RASGRF2: variants seen among roughly 807,000 people sequenced by gnomAD.
RASGRF2 encodes ras-specific guanine nucleotide-releasing factor 2.
Under a neutral mutation model 151.0 loss-of-function variants are expected in RASGRF2, and 76 were observed. That is an observed-to-expected ratio of 0.50 (90% CI 0.42 to 0.61). The LOEUF is 0.61. Among genes scored for constraint, RASGRF2 ranks in the 20% least tolerant of loss-of-function variants. The pLI is 0.00. For synonymous variants in RASGRF2, 504 were observed against 566.5 expected, an observed-to-expected ratio of 0.89 and a Z score of 1.57; for missense variants, 1,148 against 1,564.6, an observed-to-expected ratio of 0.73 and a Z score of 4.49.
intron 1 of RASGRF2, among the ~76,000 whole-genome samples, chr5:80,963,641 C>T (rs1366267655): frequency 6.6e-6 from 1 of 152,188 alleles, no homozygotes; most frequent in East Asian, 1.9e-4. Context: ...GTAATAAATA[C>T]TGCATCTGAA....
intron 25 of RASGRF2, among the ~76,000 whole-genome samples, chr5:81,218,849 T>G (rs113814904): frequency 0.017 from 2,617 of 152,290 alleles, 73 homozygotes; most frequent in African/African-American, 0.059. Context: ...GTGTTTCCAT[T>G]TGTTTGTGTT....
chr5:81,213,532 A>AG (rs1180155563), intron 23 of RASGRF2, among the ~76,000 whole-genome samples: 1 of 152,176 alleles, frequency 6.6e-6, no homozygotes, highest in East Asian at 1.9e-4. Context: ...CGGAAGATCT[A>AG]GGTATGTTCT....
chr5:81,003,190 G>A (rs888659588), intron 1 of RASGRF2, among the ~76,000 whole-genome samples: 1 of 150,114 alleles, frequency 6.7e-6, no homozygotes, highest in Non-Finnish European at 1.5e-5. Flanking sequence ...CGAGTAGCGG[G>A]ATTATGGATG....
chr5:81,060,344 A>G (rs1002342070), intron 2 of RASGRF2, among the ~76,000 whole-genome samples: 2 of 152,146 alleles, frequency 1.3e-5, no homozygotes, highest in African/African-American at 4.8e-5. Flanking sequence ...CTGGGCCTGG[A>G]TGCTGTTCCA....
chr5:81,187,851 A>T (rs1755065719), intron 18 of RASGRF2, among the ~76,000 whole-genome samples: 1 of 152,158 alleles, frequency 6.6e-6, no homozygotes. Context: ...CGGCTTCTAA[A>T]TTTTTTTGTT....
rs747322789 is a variant in RASGRF2 at position 81,123,740 on chromosome 5, C to T, written c.2569C>T (p.Arg857Trp). 5.6e-6 allele frequency: 9 copies of T among 1,613,732 alleles called. No homozygotes were observed. Among genetic ancestry groups the T allele is most frequent in the African/African-American group, 2.7e-5 (2 of 74,904 alleles). The change falls in exon 16 of 27, where the codon CGG becomes TGG. Residue 857 changes from arginine (R) to tryptophan (W), a missense_variant. By Grantham distance (101) the Arg-to-Trp change is moderately radical (BLOSUM62 -3). Coordinates refer to ENST00000265080, the MANE Select transcript of RASGRF2 (RefSeq NM_006909.3). ...ACCTTGCAGATCCCCCTCAACTCCT[C>T]GGCACCTCCGCTATCGACAGCCTGG... ...LSPCRSPSTP[R>W]HLRYRQPGGQ...
At chr5:81,077,075 A>G (rs1414201684) in intron 5 of RASGRF2, among the ~76,000 whole-genome samples, 1 of 152,210 alleles carries the variant, frequency 6.6e-6, no homozygotes, top group Non-Finnish European at 1.5e-5. Flanking sequence ...GAGGAAAGAA[A>G]GTAGTGCTGG....
At chr5:81,081,739 C>T (rs1306078894) in intron 7 of RASGRF2, among the ~76,000 whole-genome samples, 1 of 152,190 alleles carries the variant, frequency 6.6e-6, no homozygotes, top group Non-Finnish European at 1.5e-5. Flanking sequence ...CTGTGGTGCA[C>T]AATTGTTTGC....
At chr5:81,204,790 G>T (rs1181484002) in intron 19 of RASGRF2, among the ~76,000 whole-genome samples, 3 of 152,184 alleles carry the variant, frequency 2.0e-5, no homozygotes, top group African/African-American at 7.2e-5. Context: ...GCATCAACAG[G>T]AAGGCATAAA....
intron 7 of RASGRF2, among the ~76,000 whole-genome samples, chr5:81,084,460 A>G (rs1752170729): frequency 6.6e-6 from 1 of 152,142 alleles, no homozygotes; most frequent in Non-Finnish European, 1.5e-5. Flanking sequence ...TCCTCCATAT[A>G]TCCTAAAAAG....
intron 23 of RASGRF2, among the ~76,000 whole-genome samples, chr5:81,213,982 C>T (rs148303406): frequency 0.015 from 2,231 of 152,304 alleles, 26 homozygotes; most frequent in African/African-American, 0.036. Flanking sequence ...GCATCTTGCA[C>T]TACTACAGAC....
chr5:81,096,114 C>CT (rs1173541940), intron 12 of RASGRF2: 1 of 152,032 alleles, frequency 6.6e-6, no homozygotes, highest in Non-Finnish European at 1.5e-5. Flanking sequence ...ACAAGAGTGC[C>CT]TTATGCTGGA....
chr5:81,075,805 G>A (rs938836090), intron 5 of RASGRF2, among the ~76,000 whole-genome samples: 13 of 152,180 alleles, frequency 8.5e-5, no homozygotes, highest in Non-Finnish European at 5.9e-5. Flanking sequence ...GGAAGATTCT[G>A]GGCCGAAGAT....
intron 2 of RASGRF2, among the ~76,000 whole-genome samples, chr5:81,047,142 A>G (rs996588996): frequency 8.3e-6 from 1 of 120,346 alleles, no homozygotes; most frequent in African/African-American, 2.6e-5. Flanking sequence ...GTTTGTGGGC[A>G]AAGATGATGA....
chr5:81,096,571 G>A (rs1752553758), intron 12 of RASGRF2: 1 of 152,194 alleles, frequency 6.6e-6, no homozygotes, highest in South Asian at 2.1e-4. Context: ...AGGCAAAGGT[G>A]TTTTTCCACC....
chr5:81,173,907 C>T (rs1754715256), intron 17 of RASGRF2, among the ~76,000 whole-genome samples: 1 of 152,204 alleles, frequency 6.6e-6, no homozygotes, highest in Non-Finnish European at 1.5e-5. Context: ...TCAGCACCTA[C>T]ACAGTATCTG....
chr5:80,990,368 C>T (rs1748611656), intron 1 of RASGRF2, among the ~76,000 whole-genome samples: 1 of 152,128 alleles, frequency 6.6e-6, no homozygotes, highest in South Asian at 2.1e-4. Flanking sequence ...CATGTCCAAC[C>T]CAGAGCCAAT....
At position 81,047,732 on chromosome 5, in the gene RASGRF2, C is replaced by T. The variant is rs569118365; in HGVS notation, c.395+4749C>T. On this transcript the variant is annotated intron_variant, in intron 2 of 26. Coordinates refer to ENST00000265080, the MANE Select transcript of RASGRF2 (RefSeq NM_006909.3). Reference sequence around the variant, plus strand: ...AACCTGACGAGCAGAGAGACTTTATCATCCAGTTAAACCTTTCAATTAAGC... The same window carrying T: ...AACCTGACGAGCAGAGAGACTTTATTATCCAGTTAAACCTTTCAATTAAGC... 7.9e-5 allele frequency among the ~76,000 whole-genome samples: 12 copies of T among 152,360 alleles called. No individual in the cohort carries two copies. In the South Asian group the frequency reaches 2.3e-3, roughly 29 times the overall value.
intron 1 of RASGRF2, among the ~76,000 whole-genome samples, chr5:80,970,145 A>T (rs978944552): frequency 2.0e-5 from 3 of 152,182 alleles, no homozygotes; most frequent in African/African-American, 7.2e-5. Context: ...CAACAGTGAG[A>T]ATGTCATCCA....
Sources: allele counts gnomAD v4.1 joint callset (sites outside exome capture counted in the v4.1 genomes callset), GRCh38; gene constraint gnomAD v4.1.1; transcripts MANE v1.5; gene names NCBI Gene and HGNC (gene_info 2026-07-23, HGNC 2026-07-21).